The following RARB variants were observed in gnomAD, a reference collection of about 807,000 sequenced individuals.
The protein encoded by RARB is HBV-activated protein.
Under a neutral mutation model 51.9 loss-of-function variants are expected in RARB, and 17 were observed. The observed-to-expected ratio is 0.33, with a 90% confidence interval of 0.22 to 0.49. The LOEUF (loss-of-function observed/expected upper bound fraction) is 0.49. Among genes scored for constraint, RARB ranks in the 20% least tolerant of loss-of-function variants. The pLI is 0.99. For missense variants in RARB, 369 were observed against 550.8 expected (o/e 0.67, Z 3.30); for synonymous variants, 215 against 195.4 (o/e 1.10, Z -0.84).
chr3:25,141,804 A>C (rs944472810), intron 4 of RARB, among the ~76,000 whole-genome samples: 1 of 152,204 alleles, frequency 6.6e-6, no homozygotes, highest in Admixed American at 6.5e-5. Context: ...TAATAAAATG[A>C]AGCTACTTTT....
intron 3 of RARB, among the ~76,000 whole-genome samples, chr3:25,079,048 G>GTT (rs113963226): frequency 0.014 from 2,122 of 148,490 alleles, 47 homozygotes; most frequent in African/African-American, 0.049. Flanking sequence ...ATTTATGTAG[G>GTT]TTTTTTTTTT....
intron 4 of RARB, among the ~76,000 whole-genome samples, chr3:25,148,155 A>G (rs1446643670): frequency 6.6e-6 from 1 of 152,248 alleles, no homozygotes; most frequent in Non-Finnish European, 1.5e-5. Flanking sequence ...TGTTTATTAC[A>G]GAAGTTGCAA....
chr3:25,190,095 G>C (rs1448273006), intron 5 of RARB, among the ~76,000 whole-genome samples: 1 of 152,048 alleles, frequency 6.6e-6, no homozygotes, highest in Non-Finnish European at 1.5e-5. Flanking sequence ...ATGCATAGGG[G>C]TTGGGGGAAG....
chr3:25,129,793 C>T (rs1468526997), intron 3 of RARB, among the ~76,000 whole-genome samples: 1 of 151,958 alleles, frequency 6.6e-6, no homozygotes, highest in Admixed American at 6.6e-5. Flanking sequence ...ATGTTGTAGC[C>T]ATCATTTGTC....
intron 3 of RARB, among the ~76,000 whole-genome samples, chr3:25,565,655 A>C (rs1278029220): frequency 1.3e-5 from 2 of 152,200 alleles, no homozygotes; most frequent in African/African-American, 4.8e-5. Context: ...GGCTTCTCCA[A>C]GCACCATTTT....
At chr3:25,130,882 T>TTATTATTGATAATATCAA (rs1176601767) in intron 3 of RARB, among the ~76,000 whole-genome samples, 4 of 107,130 alleles carry the variant, frequency 3.7e-5, no homozygotes, top group Admixed American at 1.2e-4. Context: ...TTATCAATAT[T>TTATTATTGATAATATCAA]TATTATTGAT....
intron 3 of RARB, among the ~76,000 whole-genome samples, chr3:25,104,727 A>G (rs1706793657): frequency 6.6e-6 from 1 of 152,228 alleles, no homozygotes; most frequent in Non-Finnish European, 1.5e-5. Context: ...TCAATGTTAG[A>G]CATGATAAAT....
chr3:25,352,101 A>C (rs1194554956), intron 5 of RARB, among the ~76,000 whole-genome samples: 1 of 152,208 alleles, frequency 6.6e-6, no homozygotes, highest in Admixed American at 6.5e-5. Context: ...TTCTGCGTTG[A>C]AGTGGCCCAG....
At chr3:25,074,239 T>C (rs1177284943) in intron 3 of RARB, among the ~76,000 whole-genome samples, 1 of 152,238 alleles carries the variant, frequency 6.6e-6, no homozygotes, top group Non-Finnish European at 1.5e-5. Context: ...TGAAAAAGAA[T>C]AGCTTTGTCC....
chr3:24,978,947 T>C (rs973988815), intron 2 of RARB, among the ~76,000 whole-genome samples: 7 of 152,204 alleles, frequency 4.6e-5, no homozygotes, highest in Non-Finnish European at 8.8e-5. Context: ...TTCTGGTACA[T>C]TGTGTCTTTG....
At chr3:25,170,927 A>G (rs1353479209) in intron 4 of RARB, among the ~76,000 whole-genome samples, 2 of 152,222 alleles carry the variant, frequency 1.3e-5, no homozygotes, top group Non-Finnish European at 2.9e-5. Flanking sequence ...TTGACCAATC[A>G]TGCTACCTCC....
chr3:25,426,588 CA>C (rs1248303584), upstream of RARB, among the ~76,000 whole-genome samples: 5 of 152,370 alleles, frequency 3.3e-5, no homozygotes, highest in East Asian at 9.6e-4. Flanking sequence ...ACACTATCCA[CA>C]AAAAGGAGAC....
intron 3 of RARB, among the ~76,000 whole-genome samples, chr3:25,120,454 T>C (rs1699764432): frequency 6.6e-6 from 1 of 151,940 alleles, no homozygotes; most frequent in African/African-American, 2.4e-5. Flanking sequence ...TTATAAACTT[T>C]AACCAGTTAA....
intron 5 of RARB, among the ~76,000 whole-genome samples, chr3:25,307,989 A>G (rs1236522984): frequency 6.6e-6 from 1 of 152,236 alleles, no homozygotes; most frequent in Non-Finnish European, 1.5e-5. Flanking sequence ...AGTACTTACT[A>G]TCTGGCCCTT....
intron 2 of RARB, among the ~76,000 whole-genome samples, chr3:25,476,795 G>A (rs1049865839): frequency 1.3e-5 from 2 of 152,184 alleles, no homozygotes; most frequent in African/African-American, 4.8e-5. Context: ...CAAGTTTCCT[G>A]TAGTGGAACT....
At chr3:24,985,611 G>A (rs951906656) in intron 2 of RARB, among the ~76,000 whole-genome samples, 2 of 152,118 alleles carry the variant, frequency 1.3e-5, no homozygotes, top group East Asian at 1.9e-4. Flanking sequence ...CCTCCAGATT[G>A]GCAAAGTATA....
At chr3:25,366,727 G>T (rs1706130451) in intron 5 of RARB, among the ~76,000 whole-genome samples, 1 of 152,134 alleles carries the variant, frequency 6.6e-6, no homozygotes, top group African/African-American at 2.4e-5. Context: ...TACATGTTCT[G>T]GGTCTCTGTG....
chr3:24,929,003 C>A (rs1460446538), intron 2 of RARB, among the ~76,000 whole-genome samples: 1 of 151,956 alleles, frequency 6.6e-6, no homozygotes, highest in Non-Finnish European at 1.5e-5. Context: ...CATGTTTTCT[C>A]CTACTGTTTA....
chr3:25,580,852 A>G (rs1447691005), intron 5 of RARB, 130 bp downstream of exon 5: 1 of 1,002,266 alleles, frequency 1.0e-6, no homozygotes, highest in Non-Finnish European at 1.4e-6. Flanking sequence ...CACTCACCTG[A>G]CTTAGTAGGT....
Sources: gnomAD v4.1 joint callset for allele counts (sites outside exome capture counted in the v4.1 genomes callset) on GRCh38, gnomAD v4.1.1 for gene constraint, MANE v1.5 for transcripts, NCBI Gene and HGNC (gene_info 2026-07-23, HGNC 2026-07-21) for gene names.